The following SH3BP4 variants were observed in gnomAD, a reference collection of about 807,000 sequenced individuals.
SH3BP4 encodes SH3 domain binding protein 4.
In SH3BP4, 33 loss-of-function variants were observed where a neutral mutation model predicts 65.5. The observed-to-expected ratio is 0.50, with a 90% confidence interval of 0.38 to 0.67. SH3BP4 has a LOEUF of 0.67. Ranked by LOEUF, SH3BP4 falls within the 30% of genes least tolerant of loss-of-function variation. The pLI is 0.00. For missense variants in SH3BP4, 1,134 were observed against 1,261.4 expected (o/e 0.90, Z 1.53); for synonymous variants, 552 against 545.5 (o/e 1.01, Z -0.17).
chr2:234,995,121 T>TCCGC (rs1693871557), intron 1 of SH3BP4, among the ~76,000 whole-genome samples, 182 bp from the exon 2 acceptor site: 2 of 152,122 alleles, frequency 1.3e-5, no homozygotes, highest in Non-Finnish European at 2.9e-5. Flanking sequence ...CTCTCCAGAG[T>TCCGC]TGGCTTCAGA....
intron 1 of SH3BP4, among the ~76,000 whole-genome samples, chr2:234,969,995 ACACT>A (rs1372030715): frequency 6.6e-6 from 1 of 151,062 alleles, no homozygotes; most frequent in Non-Finnish European, 1.5e-5. Flanking sequence ...CCACATACAC[ACACT>A]CGCTGTCTCA....
rs76452346 is a variant in SH3BP4 at position 235,043,108 on chromosome 2, A to G, written c.2339A>G (p.Asn780Ser). The change falls in exon 4 of 6, where the codon AAC becomes AGC. Residue 780 changes from asparagine to serine, a missense_variant. By Grantham distance (46) the Asn-to-Ser change is conservative (BLOSUM62 1). Coordinates refer to ENST00000392011, the MANE Select transcript of SH3BP4 (RefSeq NM_014521.3). ...TTCGCTGACGCCCTGGGCTACGTGA[A>G]CCTGCCGCTCACCTTTTTCTGCCGG... ...RSFADALGYV[N>S]LPLTFFCRAE... 9.5e-4 allele frequency: 1,529 copies of G among 1,613,324 alleles called. 18 individuals are homozygous for G. In the East Asian group the frequency reaches 0.028, roughly 30 times the overall value.
At position 235,020,013 on chromosome 2, in the gene SH3BP4, C is replaced by T. The variant is rs183360214; in HGVS notation, c.-132-14858C>T. Reference sequence around the variant, plus strand: ...AGAAACTCAAGCTGGAGCTTGTGGACCCCCCGAGGGAGAGCCACCGAATCT... The same window carrying T: ...AGAAACTCAAGCTGGAGCTTGTGGATCCCCCGAGGGAGAGCCACCGAATCT... On this transcript the variant is annotated intron_variant, in intron 2 of 5. Transcript: ENST00000392011. Among the ~76,000 whole-genome samples, 224 of 152,052 alleles carry T rather than the reference C, an allele frequency of 1.5e-3. 3 individuals are homozygous for T. Among genetic ancestry groups the T allele is most frequent in the South Asian group, 1.0e-3 (5 of 4,816 alleles).
intron 2 of SH3BP4, among the ~76,000 whole-genome samples, chr2:235,015,859 C>T (rs1424122149): frequency 1.3e-5 from 2 of 152,102 alleles, no homozygotes; most frequent in East Asian, 3.9e-4. Flanking sequence ...CATGGTATTG[C>T]CAGAAAGAGA....
chr2:235,009,632 GTCTTGCCCTTGAC>G (rs1056379815), intron 2 of SH3BP4, among the ~76,000 whole-genome samples: 1 of 151,980 alleles, frequency 6.6e-6, no homozygotes, highest in African/African-American at 2.4e-5. Flanking sequence ...GTTCTCTGGG[GTCTTGCCCTTGAC>G]TCTTGCCTCC....
rs776636775 is a variant in SH3BP4 at position 235,041,889 on chromosome 2, A to C, written c.1120A>C (p.Ile374Leu). 4.3e-6 allele frequency: 7 copies of C among 1,613,216 alleles called. No homozygotes were observed. The South Asian group carries it at 7.7e-5, about 18-fold the overall frequency. Residue 374 changes from isoleucine (I) to leucine (L), a missense_variant, in exon 4 of 6, where the codon ATC becomes CTC. By Grantham distance (5) the Ile-to-Leu change is conservative. Transcript: ENST00000392011. The surrounding 1 kb of genome is among the most constrained non-coding windows in gnomAD (Gnocchi z 6.0). The stretch of plus-strand genomic sequence containing the variant: ...GCTCAACAGTGACAGGTCCTGCAGC[A>C]TCAGCCCTGTGCTGGAGGTCAAGCT... ...LELNSDRSCSISPVLEVKLSN... is the reference protein window; with the variant it reads ...LELNSDRSCSLSPVLEVKLSN...
chr2:234,960,300 A>C (rs984138480), intron 1 of SH3BP4, among the ~76,000 whole-genome samples: 5 of 152,172 alleles, frequency 3.3e-5, no homozygotes, highest in Admixed American at 2.6e-4. Context: ...CCCCTCTAGC[A>C]AGTTGGGTTT....
chr2:235,003,545 C>G (rs150222274), intron 2 of SH3BP4, among the ~76,000 whole-genome samples: 2 of 152,322 alleles, frequency 1.3e-5, no homozygotes, highest in East Asian at 3.9e-4. Context: ...AGCCTGGACT[C>G]TGGAACTAAA....
chr2:235,050,382 G>A (rs1042977266), intron 4 of SH3BP4, among the ~76,000 whole-genome samples: 45 of 152,208 alleles, frequency 3.0e-4, no homozygotes, highest in Non-Finnish European at 5.6e-4. Context: ...CTCCCAAAGT[G>A]CTGGGATTAC....
At chr2:234,957,210 G>A (rs996917062) in intron 1 of SH3BP4, among the ~76,000 whole-genome samples, 3 of 151,898 alleles carry the variant, frequency 2.0e-5, no homozygotes, top group Admixed American at 6.6e-5. Context: ...AGTAGAGACC[G>A]GCTTCCCCAT....
intron 2 of SH3BP4, among the ~76,000 whole-genome samples, chr2:235,009,938 T>C (rs1300858400): frequency 6.6e-6 from 1 of 152,092 alleles, no homozygotes; most frequent in Non-Finnish European, 1.5e-5. Context: ...AGTGTGTTAG[T>C]CTCTCCTCTC....
chr2:234,978,155 C>T lies in SH3BP4; in HGVS notation c.-206-17148C>T, dbSNP rs148615140. On this transcript the variant is annotated intron_variant, in intron 1 of 5. Transcript: ENST00000392011. This position sits in a 1 kb window ranked among gnomAD's most constrained non-coding sequence, Gnocchi z 4.1. ...TTTTTTAGTAGAGAAGGGGTTTCAC[C>T]ATGTTGGCCAGGCTGGAATCGAACT... Among the ~76,000 whole-genome samples, 582 of 152,156 alleles carry T rather than the reference C, an allele frequency of 3.8e-3. 5 individuals are homozygous for T. Among genetic ancestry groups the T allele is most frequent in the African/African-American group, 0.013 (544 of 41,510 alleles).
chr2:234,971,935 G>A (rs1024816243), intron 1 of SH3BP4, among the ~76,000 whole-genome samples: 2 of 151,476 alleles, frequency 1.3e-5, no homozygotes, highest in Non-Finnish European at 2.9e-5. Flanking sequence ...TCCTGCCTCC[G>A]CCTCCAGAGT....
chr2:235,040,919 C>T lies in SH3BP4; in HGVS notation c.150C>T (p.Asn50=), dbSNP rs201801979. 4.3e-6 allele frequency: 7 copies of T among 1,613,674 alleles called. No homozygotes were observed. The highest frequency in any genetic ancestry group is 5.9e-6 in the Non-Finnish European group (7 of 1,179,754). The part of the protein sequence containing the change: ...VPSPSALLVD[N]PTPFGNAKEV... The stretch of plus-strand genomic sequence containing the variant: ...CTCCCAGTGCCTTGCTCGTAGACAA[C>T]CCCACACCTTTCGGAAATGCAAAGG... The change falls in exon 4 of 6, where the codon AAC becomes AAT. Residue 50 remains asparagine (N), a synonymous_variant. Coordinates refer to ENST00000392011, the MANE Select transcript of SH3BP4 (RefSeq NM_014521.3).
At chr2:234,985,352 G>A (rs1038645780) in intron 1 of SH3BP4, among the ~76,000 whole-genome samples, 2 of 152,282 alleles carry the variant, frequency 1.3e-5, no homozygotes, top group East Asian at 1.9e-4. Context: ...GGCGGAAGCT[G>A]TTTAGAAGAA....
Position 235,033,151 on chromosome 2 carries a change from G to A in SH3BP4, c.-132-1720G>A, listed in dbSNP as rs907454065. On this transcript the variant is annotated intron_variant, in intron 2 of 5. Transcript: ENST00000392011. The surrounding 1 kb of genome is among the most constrained non-coding windows in gnomAD (Gnocchi z 5.7). ...GGCCACCATGCCCTCCTCTCCTGCC[G>A]CCTGCTGCATTCAAGCACCACAGCC... Among the ~76,000 whole-genome samples the A allele has an allele frequency of 5.9e-5, 9 of 152,126 alleles. No homozygotes were observed. The highest frequency in any genetic ancestry group is 1.9e-4 in the African/African-American group (8 of 41,432).
intron 1 of SH3BP4, among the ~76,000 whole-genome samples, chr2:234,973,595 G>A (rs1182475500): frequency 1.3e-5 from 2 of 151,834 alleles, no homozygotes; most frequent in African/African-American, 2.4e-5. Flanking sequence ...GACAGTACCT[G>A]CCCTTTCTCA....
Position 234,997,843 on chromosome 2 carries a change from C to T in SH3BP4, c.-133+2467C>T, listed in dbSNP as rs1228500679. ...AGGGTGATTAAGAAGAATCAGAAGACTGGGTGCGGTGGCTCATGCCTGTAA... is the reference window on the plus strand; with the variant it reads ...AGGGTGATTAAGAAGAATCAGAAGATTGGGTGCGGTGGCTCATGCCTGTAA... On this transcript the variant is annotated intron_variant, in intron 2 of 5. Coordinates refer to ENST00000392011, the MANE Select transcript of SH3BP4 (RefSeq NM_014521.3). This position sits in a 1 kb window ranked among gnomAD's most constrained non-coding sequence, Gnocchi z 4.2. 1.3e-5 allele frequency among the ~76,000 whole-genome samples: 2 copies of T among 152,214 alleles called. No individual in the cohort carries two copies. Among genetic ancestry groups the T allele is most frequent in the Non-Finnish European group, 2.9e-5 (2 of 68,044 alleles).
chr2:235,034,925 A>G lies in SH3BP4; in HGVS notation c.-78A>G, dbSNP rs1695325424. 2 of 1,255,304 alleles carry G rather than the reference A, an allele frequency of 1.6e-6. No homozygotes were observed. The highest frequency in any genetic ancestry group is 3.0e-5 in the African/African-American group (2 of 67,192). 77.8% of individuals were successfully genotyped at this position (1,255,304 alleles called of 1,614,324 possible). On this transcript the variant is annotated 5_prime_UTR_variant, in exon 3 of 6. Transcript: ENST00000392011. The surrounding 1 kb of genome is among the most constrained non-coding windows in gnomAD (Gnocchi z 6.2). ...CGCGCAGCGTGTTTGCTTGAGGCAG[A>G]AGCTTCAGCATCTGCTGGGATAACT...
Sources: gnomAD v4.1 joint callset for allele counts (sites outside exome capture counted in the v4.1 genomes callset) on GRCh38, gnomAD v4.1.1 for gene constraint, Gnocchi (gnomAD v3.1) non-coding constraint, MANE v1.5 for transcripts, NCBI Gene and HGNC (gene_info 2026-07-23, HGNC 2026-07-21) for gene names.